Variants in CHD9 observed in about 807,000 individuals in gnomAD.
CHD9 encodes ATP-dependent chromatin remodeler CHD9.
In CHD9, 77 loss-of-function variants were observed where a neutral mutation model predicts 316.1. The observed-to-expected ratio is 0.24, with a 90% confidence interval of 0.20 to 0.29. The LOEUF is 0.29. Among genes scored for constraint, CHD9 ranks in the 10% least tolerant of loss-of-function variants. The pLI, the probability that CHD9 is intolerant of heterozygous loss-of-function variation, is 1.00. For missense variants in CHD9, 2,763 were observed against 3,438.1 expected (o/e 0.80, Z 4.91); for synonymous variants, 1,129 against 1,158.3 (o/e 0.97, Z 0.51).
intron 1 of CHD9, among the ~76,000 whole-genome samples, chr16:53,138,068 G>A (rs550352240): frequency 1.4e-4 from 22 of 152,110 alleles, no homozygotes; most frequent in Admixed American, 1.4e-3. Flanking sequence ...TATGATTTTT[G>A]AGATTAATAG....
intron 1 of CHD9, among the ~76,000 whole-genome samples, chr16:53,073,589 C>T (rs2034281525): frequency 6.6e-6 from 1 of 152,198 alleles, no homozygotes; most frequent in African/African-American, 2.4e-5. Flanking sequence ...ATAATTCCCA[C>T]CTGTGGTGGG....
intron 17 of CHD9, among the ~76,000 whole-genome samples, chr16:53,252,205 C>T (rs1221745253): frequency 2.0e-5 from 3 of 152,132 alleles, no homozygotes; most frequent in African/African-American, 2.4e-5. Flanking sequence ...AAAATAGACA[C>T]ATAGACCAAT....
At chr16:53,138,538 G>A (rs961404999) in intron 1 of CHD9, among the ~76,000 whole-genome samples, 1 of 152,152 alleles carries the variant, frequency 6.6e-6, no homozygotes, top group Non-Finnish European at 1.5e-5. Context: ...TTTCCAGGAG[G>A]CGAAGGGGTT....
intron 2 of CHD9, among the ~76,000 whole-genome samples, chr16:53,184,721 A>G (rs949304321): frequency 2.6e-5 from 4 of 152,150 alleles, no homozygotes; most frequent in African/African-American, 9.7e-5. Flanking sequence ...CCCACCCAAA[A>G]TCTCATCTTG....
intron 37 of CHD9, chr16:53,321,187 A>T: frequency 7.8e-7 from 1 of 1,280,576 alleles, no homozygotes; most frequent in Non-Finnish European, 1.0e-6. Context: ...GCTGAAAGAG[A>T]TTTACTGATT....
chr16:53,266,393 T>C (rs1276036275), intron 20 of CHD9, among the ~76,000 whole-genome samples: 2 of 152,182 alleles, frequency 1.3e-5, no homozygotes, highest in Admixed American at 1.3e-4. Context: ...CCTCTCCTGC[T>C]CTAGGACATA....
intron 34 of CHD9, among the ~76,000 whole-genome samples, chr16:53,312,904 CATTATAAACATGTAAACT>C (rs771077485): frequency 4.6e-5 from 7 of 152,234 alleles, no homozygotes; most frequent in Middle Eastern, 3.4e-3. Context: ...ATGCATTTTT[CATTATAAACATGTAAACT>C]ATTTTAAACA....
intron 1 of CHD9, among the ~76,000 whole-genome samples, chr16:53,058,638 G>A (rs2032467497): frequency 6.6e-6 from 1 of 152,100 alleles, no homozygotes; most frequent in Admixed American, 6.5e-5. Context: ...AGTGTCTTGT[G>A]GGCAGCTCTC....
intron 1 of CHD9, among the ~76,000 whole-genome samples, chr16:53,115,244 C>T (rs1389807613): frequency 1.3e-5 from 2 of 152,188 alleles, no homozygotes; most frequent in African/African-American, 4.8e-5. Context: ...AAGAAGGACT[C>T]ACCCAGATAA....
At chr16:53,306,423 T>C (rs898208903) in intron 32 of CHD9, 26 bp downstream of exon 32, 2 of 1,533,756 alleles carry the variant, frequency 1.3e-6, no homozygotes, top group South Asian at 2.5e-5. Context: ...CTTATTGGGA[T>C]AGGTCATTTT....
chr16:53,150,363 A>AT (rs1160253035), intron 1 of CHD9, among the ~76,000 whole-genome samples: 1 of 152,164 alleles, frequency 6.6e-6, no homozygotes, highest in African/African-American at 2.4e-5. Flanking sequence ...TTTCAGTGGT[A>AT]TACACATGCT....
intron 1 of CHD9, among the ~76,000 whole-genome samples, chr16:53,106,267 G>T (rs890844418): frequency 1.3e-5 from 2 of 152,154 alleles, no homozygotes; most frequent in African/African-American, 4.8e-5. Flanking sequence ...AATGGTCTGG[G>T]ATCTATCCTT....
At chr16:53,314,351 C>G (rs1211491019) in intron 34 of CHD9, 26 bp from the exon 35 acceptor site, 1 of 1,504,250 alleles carries the variant, frequency 6.6e-7, no homozygotes, top group Non-Finnish European at 8.9e-7. Flanking sequence ...ATTTGTATCA[C>G]CATTTTGCAT....
chr16:53,069,879 C>T (rs958857748), intron 1 of CHD9, among the ~76,000 whole-genome samples: 6 of 151,858 alleles, frequency 4.0e-5, no homozygotes, highest in African/African-American at 1.5e-4. Context: ...TCCATTTCTC[C>T]ACATCCTTGT....
At chr16:53,124,341 A>AGGCC (rs2038876089) in intron 1 of CHD9, among the ~76,000 whole-genome samples, 1 of 152,090 alleles carries the variant, frequency 6.6e-6, no homozygotes, top group Non-Finnish European at 1.5e-5. Context: ...AGGGTTGGGG[A>AGGCC]GGCCTCACAA....
chr16:53,314,893 A>T lies in CHD9; in HGVS notation c.7433A>T (p.Gln2478Leu). 1 of 1,612,996 alleles carries T rather than the reference A, an allele frequency of 6.2e-7. No homozygotes were observed. The highest frequency in any genetic ancestry group is 2.2e-5 in the East Asian group (1 of 44,840). ...INPALSYTQP[Q>L]GIPDTESPVP... ...CCAGCACTATCCTATACTCAACCTCAAGGAATTCCTGATACAGAAAGTCCA... is the reference window on the plus strand; with the variant it reads ...CCAGCACTATCCTATACTCAACCTCTAGGAATTCCTGATACAGAAAGTCCA... Residue 2478 changes from glutamine (Q) to leucine (L), a missense_variant, in exon 36 of 39, where the codon CAA (glutamine) becomes CTA (leucine). Coordinates refer to ENST00000447540, the MANE Select transcript of CHD9 (RefSeq NM_001308319.2).
chr16:53,299,872 GCCA>G (rs1243404670), intron 30 of CHD9: 1 of 153,680 alleles, frequency 6.5e-6, no homozygotes, highest in Non-Finnish European at 1.4e-5. Flanking sequence ...CCTCACAACA[GCCA>G]CCACTCTGGA....
intron 20 of CHD9, among the ~76,000 whole-genome samples, chr16:53,265,240 A>G (rs971007641): frequency 6.6e-6 from 1 of 152,034 alleles, no homozygotes; most frequent in Non-Finnish European, 1.5e-5. Flanking sequence ...GTTCTCTACA[A>G]AAAAATTTAA....
chr16:53,088,272 G>T (rs2035634866), intron 1 of CHD9, among the ~76,000 whole-genome samples: 1 of 115,078 alleles, frequency 8.7e-6, no homozygotes, highest in Non-Finnish European at 1.8e-5. Context: ...AAAATGACAT[G>T]CACTTTGTTT....
Sources: gnomAD v4.1 joint callset for allele counts (sites outside exome capture counted in the v4.1 genomes callset) on GRCh38, gnomAD v4.1.1 for gene constraint, MANE v1.5 for transcripts, NCBI Gene and HGNC (gene_info 2026-07-23, HGNC 2026-07-21) for gene names.